The following TTC7A variants were observed in gnomAD, a reference collection of about 807,000 sequenced individuals.
The protein encoded by TTC7A is tetratricopeptide repeat domain 7A, also known as tetratricopeptide repeat protein 7A.
In TTC7A, 110 loss-of-function variants were observed where a neutral mutation model predicts 103.7. The observed-to-expected ratio is 1.06, with a 90% CI of 0.91 to 1.24. The LOEUF is 1.24. Ranked by LOEUF, TTC7A falls within the 50% of genes most tolerant of loss-of-function variation. The probability of loss-of-function intolerance (pLI) is 0.00; values close to 1 mark genes in which losing one functional copy is unlikely to be tolerated. For missense variants in TTC7A, 1,340 were observed against 1,116.3 expected, an observed-to-expected ratio of 1.20 and a Z score of -2.86; for synonymous variants, 521 against 467.9, an observed-to-expected ratio of 1.11 and a Z score of -1.47.
intron 14 of TTC7A, among the ~76,000 whole-genome samples, chr2:47,026,784 A>G (rs73929356): frequency 0.021 from 3,253 of 152,296 alleles, 102 homozygotes; most frequent in African/African-American, 0.074. Flanking sequence ...CTTCATGGAC[A>G]CTGAAATAGG....
chr2:46,965,609 T>C (rs1354005887), intron 3 of TTC7A, among the ~76,000 whole-genome samples: 1 of 150,780 alleles, frequency 6.6e-6, no homozygotes, highest in Non-Finnish European at 1.5e-5. Flanking sequence ...TTGCCCAGGC[T>C]GGAGTGCAGT....
intron 15 of TTC7A, among the ~76,000 whole-genome samples, chr2:47,042,492 C>T (rs137982352): frequency 4.9e-3 from 666 of 136,634 alleles, no homozygotes; most frequent in African/African-American, 0.019. Context: ...CAGAGCCAGA[C>T]CTTGTCTCTT....
chr2:47,054,267 TTTACAGA>T (rs1055573386), intron 18 of TTC7A: 1 of 433,616 alleles, frequency 2.3e-6, no homozygotes, highest in Non-Finnish European at 2.9e-6. Flanking sequence ...CAGTTTACAG[TTTACAGA>T]TGACAGCCTT....
intron 15 of TTC7A, among the ~76,000 whole-genome samples, chr2:47,030,083 A>G (rs1291818834): frequency 6.6e-6 from 1 of 152,214 alleles, no homozygotes; most frequent in Non-Finnish European, 1.5e-5. Context: ...CACTGAGTGT[A>G]ACAGGCTTTG....
chr2:46,983,496 G>T (rs1674688824), intron 5 of TTC7A, among the ~76,000 whole-genome samples: 1 of 152,200 alleles, frequency 6.6e-6, no homozygotes, highest in Admixed American at 6.5e-5. Flanking sequence ...TGAGCTCCCA[G>T]GGATGAGTCT....
At chr2:47,042,702 G>GTGTGTGTGTATATATA (rs111460716) in intron 15 of TTC7A, among the ~76,000 whole-genome samples, 10 of 142,636 alleles carry the variant, frequency 7.0e-5, no homozygotes, top group South Asian at 2.2e-4. Flanking sequence ...GTGTGTGTGT[G>GTGTGTGTGTATATATA]TATATATATG....
At chr2:47,027,040 T>C (rs774957487) in intron 14 of TTC7A, among the ~76,000 whole-genome samples, 15 of 152,158 alleles carry the variant, frequency 9.9e-5, no homozygotes, top group Non-Finnish European at 2.1e-4. Context: ...AGATTCTTTA[T>C]CCCAGGGCCA....
Position 47,073,902 on chromosome 2 carries a change from C to T in TTC7A, c.2556C>T (p.Ser852=), listed in dbSNP as rs1261299046. 2 of 1,612,766 alleles carry T rather than the reference C, an allele frequency of 1.2e-6. No individual in the cohort carries two copies. Among genetic ancestry groups the T allele is most frequent in the Non-Finnish European group, 8.5e-7 (1 of 1,179,900 alleles). The part of the protein sequence containing the change: ...LEASSPVLPF[S]IIPREL ...CCAGCAGCCCTGTACTGCCCTTCTC[C>T]ATCATCCCCAGAGAGCTCTGACGAC... Residue 852 remains serine, a synonymous_variant, in exon 20 of 20, where the codon TCC becomes TCT. Transcript: ENST00000319190.
At chr2:47,004,199 A>G (rs58268841) in intron 8 of TTC7A, among the ~76,000 whole-genome samples, 2 of 152,108 alleles carry the variant, frequency 1.3e-5, no homozygotes, top group African/African-American at 4.8e-5. Flanking sequence ...GCACTCACCA[A>G]CTGTGGCAAC....
chr2:46,994,872 G>C (rs1044401429), intron 7 of TTC7A, among the ~76,000 whole-genome samples: 1 of 152,186 alleles, frequency 6.6e-6, no homozygotes, highest in Non-Finnish European at 1.5e-5. Context: ...TCTTGCCCCA[G>C]CCATTCCCTG....
chr2:46,980,487 C>T (rs1342836029), intron 5 of TTC7A, among the ~76,000 whole-genome samples: 1 of 152,220 alleles, frequency 6.6e-6, no homozygotes, highest in Non-Finnish European at 1.5e-5. Flanking sequence ...GCTGGGATTA[C>T]AGGCGTGAGC....
At chr2:47,041,007 G>A (rs1357918123) in intron 15 of TTC7A, among the ~76,000 whole-genome samples, 1 of 152,154 alleles carries the variant, frequency 6.6e-6, no homozygotes, top group African/African-American at 2.4e-5. Flanking sequence ...GTATTCAGGC[G>A]TTTCGATCAC....
At chr2:46,976,222 A>G (rs905019142) in intron 4 of TTC7A, among the ~76,000 whole-genome samples, 1 of 152,230 alleles carries the variant, frequency 6.6e-6, no homozygotes. Context: ...ACTGGATGAA[A>G]TCGGTCCTGT....
At chr2:47,055,159 C>T (rs1486598718) in intron 18 of TTC7A, among the ~76,000 whole-genome samples, 1 of 152,136 alleles carries the variant, frequency 6.6e-6, no homozygotes, top group Non-Finnish European at 1.5e-5. Context: ...CCCGCCAAAC[C>T]CTGCCTAATG....
At chr2:46,979,355 C>T (rs983123454) in intron 5 of TTC7A, among the ~76,000 whole-genome samples, 3 of 152,138 alleles carry the variant, frequency 2.0e-5, no homozygotes, top group African/African-American at 7.2e-5. Context: ...CTGTTCATTC[C>T]GGCTTTTAAG....
chr2:46,973,422 A>G (rs1167725916), intron 3 of TTC7A, among the ~76,000 whole-genome samples: 1 of 152,152 alleles, frequency 6.6e-6, no homozygotes, highest in African/African-American at 2.4e-5. Flanking sequence ...AACCCTTGCT[A>G]CCCTCATTTA....
chr2:47,051,456 T>A (rs150575812), intron 17 of TTC7A, among the ~76,000 whole-genome samples: 2 of 152,368 alleles, frequency 1.3e-5, no homozygotes, highest in East Asian at 3.9e-4. Flanking sequence ...ATTTCTGTTG[T>A]GTTCACGTAA....
chr2:46,943,748 C>G (rs1466342235), intron 1 of TTC7A, among the ~76,000 whole-genome samples: 2 of 152,112 alleles, frequency 1.3e-5, no homozygotes, highest in East Asian at 3.8e-4. Flanking sequence ...TCTTAACATC[C>G]CACCTGGCCT....
intron 15 of TTC7A, among the ~76,000 whole-genome samples, chr2:47,039,441 A>G (rs1198616971): frequency 1.3e-5 from 2 of 152,172 alleles, no homozygotes; most frequent in African/African-American, 2.4e-5. Context: ...GGACACAGGG[A>G]GGGTGAGGAT....
Sources: gnomAD v4.1 joint callset for allele counts (sites outside exome capture counted in the v4.1 genomes callset) on GRCh38, gnomAD v4.1.1 for gene constraint, MANE v1.5 for transcripts, NCBI Gene and HGNC (gene_info 2026-07-23, HGNC 2026-07-21) for gene names.